GPC5: variants seen among roughly 807,000 people sequenced by gnomAD.
GPC5 encodes the protein glypican-5.
Under a neutral mutation model 53.9 loss-of-function variants are expected in GPC5, and 47 were observed. The observed-to-expected ratio is 0.87, with a 90% CI of 0.69 to 1.11. GPC5 has a LOEUF of 1.11. Among genes scored for constraint, GPC5 ranks in the 50% most tolerant of loss-of-function variants. The pLI, the probability that GPC5 is intolerant of heterozygous loss-of-function variation, is 0.00. For synonymous variants in GPC5, 286 were observed against 263.3 expected, an observed-to-expected ratio of 1.09 and a Z score of -0.84; for missense variants, 748 against 713.1, an observed-to-expected ratio of 1.05 and a Z score of -0.56.
chr13:92,275,570 CTGTTT>C (rs149012035), intron 7 of GPC5, among the ~76,000 whole-genome samples: 1,995 of 152,210 alleles, frequency 0.013, 49 homozygotes, highest in African/African-American at 0.045. Flanking sequence ...CAATTACATT[CTGTTT>C]TATTTGTGAT....
At chr13:92,262,102 G>T (rs954268486) in intron 7 of GPC5, among the ~76,000 whole-genome samples, 1 of 152,108 alleles carries the variant, frequency 6.6e-6, no homozygotes, top group African/African-American at 2.4e-5. Context: ...ATATTTGAGG[G>T]AGAAAAAGAA....
At chr13:92,544,938 C>A (rs1882051104) in intron 7 of GPC5, among the ~76,000 whole-genome samples, 2 of 151,254 alleles carry the variant, frequency 1.3e-5, no homozygotes. Flanking sequence ...TTTTATTATA[C>A]TTTAAGTTTT....
chr13:92,137,564 G>GT (rs375313985), intron 6 of GPC5, among the ~76,000 whole-genome samples: 3 of 152,128 alleles, frequency 2.0e-5, no homozygotes, highest in African/African-American at 7.2e-5. Context: ...TTTTCATAAT[G>GT]TATCTCAAAT....
intron 5 of GPC5, among the ~76,000 whole-genome samples, chr13:91,762,420 C>T (rs936351037): frequency 6.6e-6 from 1 of 151,504 alleles, no homozygotes; most frequent in Non-Finnish European, 1.5e-5. Flanking sequence ...TATTTAACAT[C>T]TGTCCTAGTT....
At chr13:91,825,004 G>T (rs1199435451) in intron 5 of GPC5, among the ~76,000 whole-genome samples, 6 of 151,948 alleles carry the variant, frequency 3.9e-5, no homozygotes, top group Non-Finnish European at 7.4e-5. Context: ...AACTAAGTTT[G>T]TCTTATTCTA....
chr13:91,402,766 A>G (rs533461186), intron 1 of GPC5, among the ~76,000 whole-genome samples: 11 of 152,210 alleles, frequency 7.2e-5, no homozygotes, highest in Admixed American at 2.0e-4. Flanking sequence ...TTAATTTTAG[A>G]TCTTTATATA....
Position 92,055,968 on chromosome 13 carries a change from T to G in GPC5, c.1402-88862T>G, listed in dbSNP as rs184055780. Among the ~76,000 whole-genome samples the G allele has an allele frequency of 1.3e-3, 204 of 152,284 alleles. 3 individuals are homozygous for G. The highest frequency in any genetic ancestry group is 4.4e-3 in the African/African-American group (182 of 41,574). On this transcript the variant is annotated intron_variant, in intron 6 of 7. Coordinates refer to ENST00000377067, the MANE Select transcript of GPC5 (RefSeq NM_004466.6). ...TTTTACTGTACCATTAGTTTAAATT[T>G]TTTTCTAAATGATTTATTGATTTAT...
intron 6 of GPC5, among the ~76,000 whole-genome samples, chr13:92,038,526 A>G (rs995151367): frequency 6.6e-6 from 1 of 150,560 alleles, no homozygotes; most frequent in Admixed American, 6.6e-5. Flanking sequence ...CTCAATGTAC[A>G]ATAAACTATA....
intron 5 of GPC5, among the ~76,000 whole-genome samples, chr13:91,884,395 T>C (rs1303266513): frequency 6.6e-6 from 1 of 152,214 alleles, no homozygotes; most frequent in Non-Finnish European, 1.5e-5. Flanking sequence ...GTGGTACATA[T>C]ACACCATGGC....
intron 1 of GPC5, among the ~76,000 whole-genome samples, chr13:91,415,380 C>T (rs893206002): frequency 6.6e-6 from 1 of 152,104 alleles, no homozygotes; most frequent in African/African-American, 2.4e-5. Flanking sequence ...TGCTGTGAGT[C>T]TCCTGTTTTA....
chr13:91,499,131 A>G (rs963015648), intron 2 of GPC5, among the ~76,000 whole-genome samples: 5 of 152,142 alleles, frequency 3.3e-5, no homozygotes, highest in Admixed American at 2.0e-4. Context: ...CTGTTAAGCT[A>G]TAGTCTGTGT....
chr13:92,181,947 T>C (rs1018214886), intron 7 of GPC5, among the ~76,000 whole-genome samples: 1 of 152,170 alleles, frequency 6.6e-6, no homozygotes, highest in Admixed American at 6.5e-5. Flanking sequence ...TAGGTTTGCA[T>C]TGGGAATCAA....
At chr13:91,917,394 C>T (rs924995073) in intron 6 of GPC5, among the ~76,000 whole-genome samples, 8 of 152,188 alleles carry the variant, frequency 5.3e-5, no homozygotes, top group Non-Finnish European at 7.3e-5. Flanking sequence ...AGGCCCCCCA[C>T]CCCCTTCCCA....
chr13:92,805,134 T>C (rs748590100), intron 7 of GPC5, among the ~76,000 whole-genome samples: 4 of 152,060 alleles, frequency 2.6e-5, no homozygotes, highest in Admixed American at 1.3e-4. Context: ...AAAGTTGACA[T>C]TTTGACCTTT....
chr13:92,262,574 C>T (rs908922246), intron 7 of GPC5, among the ~76,000 whole-genome samples: 2 of 152,066 alleles, frequency 1.3e-5, no homozygotes, highest in African/African-American at 4.8e-5. Context: ...GTTTTCAGTG[C>T]ATACTTAATG....
chr13:92,517,430 A>C (rs1880838840), intron 7 of GPC5, among the ~76,000 whole-genome samples: 1 of 152,086 alleles, frequency 6.6e-6, no homozygotes, highest in Non-Finnish European at 1.5e-5. Flanking sequence ...ACTGGGAGGC[A>C]CCTCCAAGTA....
At chr13:92,288,558 A>T (rs2042972104) in intron 7 of GPC5, among the ~76,000 whole-genome samples, 1 of 152,174 alleles carries the variant, frequency 6.6e-6, no homozygotes, top group East Asian at 1.9e-4. Flanking sequence ...AAAATTCCTA[A>T]AATACCAGCC....
At position 92,295,446 on chromosome 13, in the gene GPC5, A is replaced by G. The variant is rs114337485; in HGVS notation, c.1561+150457A>G. Among the ~76,000 whole-genome samples the G allele has an allele frequency of 3.7e-3, 563 of 152,220 alleles. 5 individuals are homozygous for G. Among genetic ancestry groups the G allele is most frequent in the African/African-American group, 9.5e-3 (394 of 41,550 alleles). ...TCATTTTGTGTCCTATCGTAGGTCT[A>G]TCTTGAAGAAAGTGCCATGTGGTCC... is the stretch of plus-strand genomic sequence containing the variant. On this transcript the variant is annotated intron_variant, in intron 7 of 7. Coordinates refer to ENST00000377067, the MANE Select transcript of GPC5 (RefSeq NM_004466.6).
At chr13:92,216,495 G>A (rs2042411183) in intron 7 of GPC5, among the ~76,000 whole-genome samples, 1 of 152,168 alleles carries the variant, frequency 6.6e-6, no homozygotes, top group African/African-American at 2.4e-5. Context: ...TTGTCCAGAT[G>A]TGGTGATCTG....
Sources: allele counts gnomAD v4.1 joint callset (sites outside exome capture counted in the v4.1 genomes callset), GRCh38; gene constraint gnomAD v4.1.1; transcripts MANE v1.5; gene names NCBI Gene and HGNC (gene_info 2026-07-23, HGNC 2026-07-21).